SNX29: variants seen among roughly 807,000 people sequenced by gnomAD.
SNX29 encodes sorting nexin 29.
SNX29 carries 78 observed loss-of-function variants against 102.1 expected under a neutral mutation model. The ratio of observed to expected loss-of-function variants is 0.76; its 90% confidence interval spans 0.64 to 0.92. The LOEUF is 0.92. Among genes scored for constraint, SNX29 ranks in the 40% least tolerant of loss-of-function variants. SNX29 has a pLI of 0.00. For synonymous variants in SNX29, 580 were observed against 414.5 expected (o/e 1.40, Z -4.85); for missense variants, 1,280 against 1,061.7 (o/e 1.21, Z -2.86).
intron 18 of SNX29, among the ~76,000 whole-genome samples, chr16:12,474,721 C>T (rs2087510935): frequency 6.6e-6 from 1 of 152,146 alleles, no homozygotes; most frequent in African/African-American, 2.4e-5. Flanking sequence ...GAGGCTTTAC[C>T]CTGTGGGCTG....
At chr16:12,190,115 G>A (rs2076605644) in intron 13 of SNX29, among the ~76,000 whole-genome samples, 1 of 152,174 alleles carries the variant, frequency 6.6e-6, no homozygotes, top group Non-Finnish European at 1.5e-5. Flanking sequence ...GTTATGGGGA[G>A]ATTTGCTTTC....
Position 12,384,290 on chromosome 16 carries a change from C to T in SNX29, c.1900-14156C>T, listed in dbSNP as rs189453529. ...GCTCTATTTTTAGTTTTTTGAGAAA[C>T]GTCCAAATTTTCTCCACAGTGGTTG... On this transcript the variant is annotated intron_variant, in intron 16 of 20. Transcript: ENST00000566228. 1.0e-3 allele frequency among the ~76,000 whole-genome samples: 154 copies of T among 152,234 alleles called. 1 individual carries two copies. The highest frequency in any genetic ancestry group is 2.1e-3 in the Admixed American group (32 of 15,292).
chr16:12,037,431 C>T (rs570536822), intron 4 of SNX29, among the ~76,000 whole-genome samples: 2 of 152,086 alleles, frequency 1.3e-5, no homozygotes, highest in Non-Finnish European at 2.9e-5. Context: ...GAGACACTCA[C>T]TTTGGCCACA....
rs184020267 is a variant in SNX29 at position 12,238,112 on chromosome 16, G to T, written c.1678+38429G>T. Among the ~76,000 whole-genome samples the T allele has an allele frequency of 1.1e-4, 16 of 152,236 alleles. 1 individual carries two copies. The highest frequency in any genetic ancestry group is 3.9e-4 in the African/African-American group (16 of 41,538). ...GATGAACCTCGGTGGAGGGGCAGTG[G>T]GCAGGCCAGTGGCCTTTAGACCTTT... On this transcript the variant is annotated intron_variant, in intron 14 of 20. Coordinates refer to ENST00000566228, the MANE Select transcript of SNX29 (RefSeq NM_032167.5).
intron 18 of SNX29, among the ~76,000 whole-genome samples, chr16:12,453,113 A>G (rs1190777447): frequency 5.9e-5 from 9 of 152,190 alleles, no homozygotes; most frequent in Admixed American, 6.5e-5. Flanking sequence ...TATAGACAGC[A>G]GAGTGCCAGT....
chr16:12,311,328 G>T (rs1472883568), intron 15 of SNX29, among the ~76,000 whole-genome samples: 2 of 152,126 alleles, frequency 1.3e-5, no homozygotes, highest in African/African-American at 4.8e-5. Flanking sequence ...TGAAGCCCTT[G>T]CTCCAAACAC....
chr16:12,258,629 C>T (rs2078644405), intron 14 of SNX29, among the ~76,000 whole-genome samples: 1 of 152,162 alleles, frequency 6.6e-6, no homozygotes, highest in African/African-American at 2.4e-5. Context: ...TGACCCATGG[C>T]AGTCGCTCAC....
At position 12,569,790 on chromosome 16, in the gene SNX29, C is replaced by T. The variant is rs1025868061; in HGVS notation, c.*1161C>T. On this transcript the variant is annotated 3_prime_UTR_variant, in exon 21 of 21. Coordinates refer to ENST00000566228, the MANE Select transcript of SNX29 (RefSeq NM_032167.5). ...AGCACCTCACAGAGCAATAGCCGTC[C>T]TCAGATGCTCAGCAAAGTTGTGGCA... 8.7e-6 allele frequency: 2 copies of T among 230,248 alleles called. No individual in the cohort carries two copies. Among genetic ancestry groups the T allele is most frequent in the African/African-American group, 4.4e-5 (2 of 45,176 alleles). The allele number at this position is 230,248 out of a possible 1,614,324, so 14.3% of individuals were successfully genotyped here.
intron 16 of SNX29, among the ~76,000 whole-genome samples, chr16:12,377,467 A>G (rs936939102): frequency 5.3e-5 from 8 of 152,138 alleles, no homozygotes; most frequent in Non-Finnish European, 7.3e-5. Flanking sequence ...TTCAATGGTA[A>G]AGCAAGTTCC....
intron 14 of SNX29, among the ~76,000 whole-genome samples, chr16:12,235,096 C>CT (rs530356561): frequency 5.3e-5 from 8 of 151,940 alleles, no homozygotes; most frequent in African/African-American, 9.7e-5. Context: ...CCCTCTGTGT[C>CT]TTTTTTTTCA....
At chr16:12,341,539 C>T (rs1002717154) in intron 15 of SNX29, among the ~76,000 whole-genome samples, 4 of 152,220 alleles carry the variant, frequency 2.6e-5, no homozygotes, top group African/African-American at 7.2e-5. Context: ...AAGCTTATTT[C>T]CTGTTCGTAT....
chr16:12,438,013 G>A (rs2085615782), intron 18 of SNX29, among the ~76,000 whole-genome samples: 2 of 152,158 alleles, frequency 1.3e-5, no homozygotes, highest in Admixed American at 1.3e-4. Flanking sequence ...CCTTGGACTT[G>A]GACTTGGGAG....
intron 17 of SNX29, among the ~76,000 whole-genome samples, chr16:12,401,714 G>A (rs2083951738): frequency 6.6e-6 from 1 of 152,138 alleles, no homozygotes; most frequent in Non-Finnish European, 1.5e-5. Context: ...TGTTAAAACT[G>A]AATGCTCCAG....
At chr16:12,214,950 G>T (rs898654947) in intron 14 of SNX29, among the ~76,000 whole-genome samples, 1 of 152,178 alleles carries the variant, frequency 6.6e-6, no homozygotes, top group Non-Finnish European at 1.5e-5. Context: ...ATGAGAGTAG[G>T]GACTGAGTTG....
At chr16:12,560,766 A>C (rs2078681385) in intron 20 of SNX29, 2 of 174,088 alleles carry the variant, frequency 1.1e-5, no homozygotes, top group African/African-American at 4.8e-5. Flanking sequence ...CATAGGATTT[A>C]CCCTCTGTGC....
At chr16:12,001,881 C>G (rs11644227) in intron 2 of SNX29, among the ~76,000 whole-genome samples, 3 of 151,468 alleles carry the variant, frequency 2.0e-5, no homozygotes, top group East Asian at 3.9e-4. Flanking sequence ...TCAGTTGGAC[C>G]TGGTGGCACG....
chr16:12,024,232 G>A (rs2057124293), intron 3 of SNX29, among the ~76,000 whole-genome samples: 1 of 151,244 alleles, frequency 6.6e-6, no homozygotes, highest in Non-Finnish European at 1.5e-5. Flanking sequence ...TCCGCCTCCC[G>A]GATTCATGTG....
At chr16:12,413,790 C>T (rs1479104750) in intron 18 of SNX29, among the ~76,000 whole-genome samples, 1 of 152,188 alleles carries the variant, frequency 6.6e-6, no homozygotes, top group African/African-American at 2.4e-5. Context: ...TGAGAGCCGC[C>T]TTGCTGAGAG....
chr16:12,212,275 G>T (rs913557914), intron 14 of SNX29, among the ~76,000 whole-genome samples: 2 of 152,216 alleles, frequency 1.3e-5, no homozygotes, highest in African/African-American at 4.8e-5. Context: ...GGGGAGCCAG[G>T]TTAGAGTGGG....
Sources: allele counts gnomAD v4.1 joint callset (sites outside exome capture counted in the v4.1 genomes callset), GRCh38; gene constraint gnomAD v4.1.1; transcripts MANE v1.5; gene names NCBI Gene and HGNC (gene_info 2026-07-23, HGNC 2026-07-21).